MAGI2: variants seen among roughly 807,000 people sequenced by gnomAD.
MAGI2 encodes membrane associated guanylate kinase, WW and PDZ domain containing 2.
Under a neutral mutation model 133.3 loss-of-function variants are expected in MAGI2, and 35 were observed. That is an observed-to-expected ratio of 0.26 (90% confidence interval 0.20 to 0.35). The LOEUF (loss-of-function observed/expected upper bound fraction) is 0.35, where lower values mean the gene tolerates loss of function less well. MAGI2 is among the 10% of genes least tolerant of loss of function. The pLI is 1.00. For missense variants in MAGI2, 1,636 were observed against 1,863.4 expected (o/e 0.88, Z 2.25); for synonymous variants, 729 against 710.6 (o/e 1.03, Z -0.41).
chr7:79,453,195 G>A lies in MAGI2; in HGVS notation c.126C>T (p.Pro42=). Residue 42 remains proline, a synonymous_variant, in exon 1 of 22, where the codon CCC becomes CCT. Coordinates refer to ENST00000354212, the MANE Select transcript of MAGI2 (RefSeq NM_012301.4). ...LKGGAENGQF[P]YLGEVKPGKV... ...TGCCGGGCTTCACCTCCCCCAGGTA[G>A]GGGAACTGTCCATTCTCGGCGCCCC... The A allele has an allele frequency of 6.2e-7, 1 of 1,614,062 alleles. No individual in the cohort carries two copies. The highest frequency in any genetic ancestry group is 8.5e-7 in the Non-Finnish European group (1 of 1,180,038).
intron 1 of MAGI2, among the ~76,000 whole-genome samples, chr7:79,074,309 A>G (rs1815262729): frequency 6.6e-6 from 1 of 152,122 alleles, no homozygotes; most frequent in East Asian, 1.9e-4. Context: ...TATAATAAAC[A>G]TAATATTCTA....
chr7:79,265,953 A>G (rs552848941), intron 1 of MAGI2, among the ~76,000 whole-genome samples: 1 of 152,214 alleles, frequency 6.6e-6, no homozygotes, highest in East Asian at 1.9e-4. Flanking sequence ...ATTTTGTGGC[A>G]ATTTTACTTA....
intron 3 of MAGI2, among the ~76,000 whole-genome samples, chr7:78,623,125 G>A (rs1807922951): frequency 6.6e-6 from 1 of 152,014 alleles, no homozygotes; most frequent in Non-Finnish European, 1.5e-5. Flanking sequence ...GACATCTAGT[G>A]TATCATGAGA....
At chr7:78,792,439 G>C (rs1342332372) in intron 2 of MAGI2, among the ~76,000 whole-genome samples, 2 of 152,180 alleles carry the variant, frequency 1.3e-5, no homozygotes, top group East Asian at 3.8e-4. Flanking sequence ...CCGCTATAGA[G>C]ATTTATCAAA....
intron 1 of MAGI2, among the ~76,000 whole-genome samples, chr7:79,398,317 T>C (rs1162468588): frequency 6.6e-6 from 1 of 152,188 alleles, no homozygotes; most frequent in African/African-American, 2.4e-5. Context: ...TCGGCCTGTG[T>C]CTCATTTCCC....
chr7:78,140,701 A>G (rs2150555652), intron 16 of MAGI2, among the ~76,000 whole-genome samples: 1 of 152,302 alleles, frequency 6.6e-6, no homozygotes, highest in African/African-American at 2.4e-5. Flanking sequence ...CGTGAAAATT[A>G]CCTTCTGTCT....
intron 3 of MAGI2, among the ~76,000 whole-genome samples, chr7:78,589,493 C>T (rs1803767247): frequency 6.6e-6 from 1 of 152,144 alleles, no homozygotes; most frequent in Non-Finnish European, 1.5e-5. Flanking sequence ...CCTATATTAC[C>T]ACTCCACTCT....
chr7:78,938,229 G>C (rs968582377), intron 2 of MAGI2, among the ~76,000 whole-genome samples: 5 of 151,934 alleles, frequency 3.3e-5, no homozygotes, highest in Non-Finnish European at 5.9e-5. Flanking sequence ...CGGCAAATCT[G>C]ACAAAAAATT....
chr7:79,098,744 T>C (rs1170077997), intron 1 of MAGI2, among the ~76,000 whole-genome samples: 1 of 152,218 alleles, frequency 6.6e-6, no homozygotes, highest in Non-Finnish European at 1.5e-5. Flanking sequence ...ATAATTAAGA[T>C]TTCTCAAAAA....
chr7:78,730,366 C>T (rs16886301), intron 2 of MAGI2, among the ~76,000 whole-genome samples: 7,793 of 148,654 alleles, frequency 0.052, 374 homozygotes, highest in East Asian at 0.23. Context: ...ATATAAAATG[C>T]TCAATGGGCC....
intron 1 of MAGI2, among the ~76,000 whole-genome samples, chr7:79,440,436 T>C (rs1213092968): frequency 6.6e-6 from 1 of 152,122 alleles, no homozygotes; most frequent in Non-Finnish European, 1.5e-5. Flanking sequence ...TGTTCCTACA[T>C]ATTACTTCAG....
chr7:78,621,466 C>T (rs776505656), intron 3 of MAGI2, among the ~76,000 whole-genome samples: 21 of 151,890 alleles, frequency 1.4e-4, no homozygotes, highest in Non-Finnish European at 2.4e-4. Flanking sequence ...TGAAATCATC[C>T]GAGTCATGGA....
chr7:79,343,543 T>G (rs1841067561), intron 1 of MAGI2, among the ~76,000 whole-genome samples: 1 of 39,300 alleles, frequency 2.5e-5, no homozygotes, highest in Non-Finnish European at 5.4e-5. Flanking sequence ...CTGATGTATT[T>G]TCTTTAAAAA....
At chr7:78,603,305 T>G (rs1195837182) in intron 3 of MAGI2, among the ~76,000 whole-genome samples, 2 of 152,208 alleles carry the variant, frequency 1.3e-5, no homozygotes, top group Non-Finnish European at 2.9e-5. Context: ...AGAGGAGATG[T>G]CCTAATACAG....
At chr7:78,636,536 C>G (rs904110051) in intron 2 of MAGI2, among the ~76,000 whole-genome samples, 1 of 152,132 alleles carries the variant, frequency 6.6e-6, no homozygotes, top group African/African-American at 2.4e-5. Flanking sequence ...CTGTGGCTCA[C>G]GCCTGTAATC....
At chr7:79,142,115 G>A (rs140755944) in intron 1 of MAGI2, among the ~76,000 whole-genome samples, 349 of 152,100 alleles carry the variant, frequency 2.3e-3, no homozygotes, top group African/African-American at 7.8e-3. Context: ...ATGTTTCCGG[G>A]TCTTACACAT....
intron 6 of MAGI2, among the ~76,000 whole-genome samples, chr7:78,419,064 C>T (rs969865095): frequency 2.0e-5 from 3 of 152,052 alleles, no homozygotes; most frequent in Non-Finnish European, 4.4e-5. Context: ...ATTGATCAAC[C>T]TGAAAATTTC....
intron 2 of MAGI2, among the ~76,000 whole-genome samples, chr7:78,656,644 C>T (rs4730427): frequency 0.11 from 17,240 of 152,046 alleles, 1,296 homozygotes; most frequent in East Asian, 0.24. Context: ...AGAGAGTAGA[C>T]TTCAGGTGCT....
At position 78,953,691 on chromosome 7, in the gene MAGI2, A is replaced by G. The variant is rs1328848496; in HGVS notation, c.418+53399T>C. Among the ~76,000 whole-genome samples, 5 of 152,146 alleles carry G rather than the reference A, an allele frequency of 3.3e-5. No individual in the cohort carries two copies. In the East Asian group the frequency reaches 7.7e-4, roughly 24 times the overall value. ...TGCTTAGTATCATGAATGGTGTAAG[A>G]TATCAATTCTGCTTTAAAAACAACA... On this transcript the variant is annotated intron_variant, in intron 2 of 21. Transcript: ENST00000354212.
Sources: gnomAD v4.1 joint callset for allele counts (sites outside exome capture counted in the v4.1 genomes callset) on GRCh38, gnomAD v4.1.1 for gene constraint, MANE v1.5 for transcripts, NCBI Gene and HGNC (gene_info 2026-07-23, HGNC 2026-07-21) for gene names.